Variants in GRIK2 observed in about 807,000 individuals in gnomAD.
The protein encoded by GRIK2 is glutamate ionotropic receptor kainate type subunit 2.
In GRIK2, 32 loss-of-function variants were observed where a neutral mutation model predicts 100.3. That is an observed-to-expected ratio of 0.32 (90% CI 0.24 to 0.43). GRIK2 has a LOEUF of 0.43. Ranked by LOEUF, GRIK2 falls within the 20% of genes least tolerant of loss-of-function variation. The pLI, the probability that GRIK2 is intolerant of heterozygous loss-of-function variation, is 1.00. For missense variants in GRIK2, 843 were observed against 1,114.9 expected (o/e 0.76, Z 3.47); for synonymous variants, 417 against 389.4 (o/e 1.07, Z -0.83).
At chr6:101,852,510 A>C (rs576211924) in intron 10 of GRIK2, among the ~76,000 whole-genome samples, 1 of 152,200 alleles carries the variant, frequency 6.6e-6, no homozygotes, top group Admixed American at 6.5e-5. Flanking sequence ...TTTCTATTCA[A>C]TTCATTTCAG....
chr6:102,042,501 C>A (rs1455135810), intron 15 of GRIK2, among the ~76,000 whole-genome samples: 1 of 151,508 alleles, frequency 6.6e-6, no homozygotes, highest in Non-Finnish European at 1.5e-5. Context: ...CTTAGTGAGA[C>A]CAAAGCAGAC....
In GRIK2 at chr6:101,952,964, A is replaced by G. The variant is rs559587171; in HGVS notation, c.2085+24332A>G. ...CATTTACTTAAAATGTCCACTCTCC[A>G]CCATACCTAATAAACCACTAATCTG... On this transcript the variant is annotated intron_variant, in intron 14 of 16. Transcript: ENST00000369134. 2.0e-5 allele frequency among the ~76,000 whole-genome samples: 3 copies of G among 152,226 alleles called. No individual in the cohort carries two copies. The South Asian group carries it at 6.2e-4, about 32-fold the overall frequency.
At chr6:101,764,672 A>G (rs1439993610) in intron 7 of GRIK2, among the ~76,000 whole-genome samples, 4 of 152,000 alleles carry the variant, frequency 2.6e-5, no homozygotes, top group Non-Finnish European at 5.9e-5. Context: ...TTTAAAGTTG[A>G]GGTCTCACCC....
intron 14 of GRIK2, among the ~76,000 whole-genome samples, chr6:101,996,364 A>G (rs542901682): frequency 6.6e-6 from 1 of 152,192 alleles, no homozygotes; most frequent in South Asian, 2.1e-4. Context: ...CGGTGAAGAA[A>G]TAATGTTTTT....
intron 14 of GRIK2, among the ~76,000 whole-genome samples, chr6:101,952,695 T>C (rs970058084): frequency 6.6e-6 from 1 of 151,818 alleles, no homozygotes; most frequent in Non-Finnish European, 1.5e-5. Flanking sequence ...CTCCGCCTCC[T>C]GGGTTCACGC....
chr6:101,549,286 A>AAAC (rs1776397279), intron 2 of GRIK2, among the ~76,000 whole-genome samples: 1 of 151,588 alleles, frequency 6.6e-6, no homozygotes, highest in East Asian at 1.9e-4. Context: ...AAAAAAAAAA[A>AAAC]AAAGATTGTA....
chr6:101,827,775 G>T (rs1474665223), intron 10 of GRIK2, among the ~76,000 whole-genome samples: 1 of 151,806 alleles, frequency 6.6e-6, no homozygotes, highest in South Asian at 2.1e-4. Flanking sequence ...GAGCTCCCAC[G>T]TTCATAAAAC....
chr6:101,938,373 A>G (rs973838999), intron 14 of GRIK2, among the ~76,000 whole-genome samples: 3 of 152,112 alleles, frequency 2.0e-5, no homozygotes, highest in African/African-American at 7.2e-5. Context: ...CCTTAACTCC[A>G]GATAGATCAG....
chr6:101,797,100 T>G (rs2128412020), intron 7 of GRIK2, among the ~76,000 whole-genome samples: 1 of 152,226 alleles, frequency 6.6e-6, no homozygotes, highest in South Asian at 2.1e-4. Context: ...AAAGCAATTT[T>G]CATGAAAACT....
At chr6:101,971,960 T>G in intron 14 of GRIK2, among the ~76,000 whole-genome samples, 1 of 151,934 alleles carries the variant, frequency 6.6e-6, no homozygotes, top group East Asian at 1.9e-4. Context: ...TATTCCAAGG[T>G]ATATATGCAC....
chr6:101,900,920 T>C (rs1368550515), intron 12 of GRIK2, among the ~76,000 whole-genome samples: 1 of 151,278 alleles, frequency 6.6e-6, no homozygotes, highest in East Asian at 1.9e-4. Context: ...TTTTTTTTCT[T>C]AAAAAAAGCA....
chr6:101,564,809 A>G (rs1303587572), intron 2 of GRIK2, among the ~76,000 whole-genome samples: 1 of 151,964 alleles, frequency 6.6e-6, no homozygotes. Context: ...CATTTCCCAA[A>G]CTCTTGATTT....
intron 11 of GRIK2, among the ~76,000 whole-genome samples, chr6:101,885,447 C>T (rs1218781977): frequency 6.6e-6 from 1 of 152,006 alleles, no homozygotes; most frequent in Non-Finnish European, 1.5e-5. Flanking sequence ...GCCATACTTT[C>T]CTTAAGATCT....
chr6:101,897,245 C>G (rs1366327830), intron 12 of GRIK2, among the ~76,000 whole-genome samples: 2 of 151,598 alleles, frequency 1.3e-5, no homozygotes, highest in African/African-American at 4.8e-5. Flanking sequence ...TTCCTTTCTT[C>G]CTTTTTTTTG....
rs573311743 is a variant in GRIK2 at position 101,890,881 on chromosome 6, G to A, written c.1748+1018G>A. Among the ~76,000 whole-genome samples the A allele has an allele frequency of 7.1e-4, 106 of 150,112 alleles. 1 individual carries two copies. The highest frequency in any genetic ancestry group is 2.2e-3 in the African/African-American group (90 of 41,058). ...TTCATTATATTCTTTGAATTTTTACGTTTTTTTAAATATCAAAAAGATAAC... is the reference window on the plus strand; with the variant it reads ...TTCATTATATTCTTTGAATTTTTACATTTTTTTAAATATCAAAAAGATAAC... On this transcript the variant is annotated intron_variant, in intron 12 of 16. Transcript: ENST00000369134.
At chr6:101,517,923 A>G (rs983292494) in intron 2 of GRIK2, among the ~76,000 whole-genome samples, 5 of 151,840 alleles carry the variant, frequency 3.3e-5, no homozygotes, top group Non-Finnish European at 4.4e-5. Context: ...TACTAACCCT[A>G]TGGTCTTTTA....
chr6:101,944,934 A>G (rs1791183762), intron 14 of GRIK2, among the ~76,000 whole-genome samples: 1 of 152,058 alleles, frequency 6.6e-6, no homozygotes. Flanking sequence ...TTCAGTGTTA[A>G]TAATTCTTAG....
At chr6:101,729,838 C>T (rs928359123) in intron 7 of GRIK2, among the ~76,000 whole-genome samples, 1 of 151,806 alleles carries the variant, frequency 6.6e-6, no homozygotes, top group Non-Finnish European at 1.5e-5. Context: ...GGAAATAGAA[C>T]ATTTGGACTT....
At position 101,571,421 on chromosome 6, in the gene GRIK2, C is replaced by T. The variant is rs1582740196; in HGVS notation, c.116-50528C>T. Among the ~76,000 whole-genome samples the T allele has an allele frequency of 3.9e-5, 6 of 152,212 alleles. No homozygotes were observed. In the South Asian group the frequency reaches 6.2e-4, roughly 16 times the overall value. On this transcript the variant is annotated intron_variant, in intron 2 of 16. Coordinates refer to ENST00000369134, the MANE Select transcript of GRIK2 (RefSeq NM_021956.5). ...AATTCACATTTATTTTATCTTTTCA[C>T]TGATGAGTTTGCATTAATTTTGCAA... is the stretch of plus-strand genomic sequence containing the variant.
Sources: gnomAD v4.1 joint callset for allele counts (sites outside exome capture counted in the v4.1 genomes callset) on GRCh38, gnomAD v4.1.1 for gene constraint, MANE v1.5 for transcripts, NCBI Gene and HGNC (gene_info 2026-07-23, HGNC 2026-07-21) for gene names.